Variants in TENM2 observed in about 807,000 individuals in gnomAD.
The protein encoded by TENM2 is teneurin transmembrane protein 2.
TENM2 carries 52 observed loss-of-function variants against 245.2 expected under a neutral mutation model. The observed-to-expected ratio is 0.21, with a 90% confidence interval of 0.17 to 0.27. The LOEUF (loss-of-function observed/expected upper bound fraction) is 0.27, where lower values mean the gene tolerates loss of function less well. Among genes scored for constraint, TENM2 ranks in the 10% least tolerant of loss-of-function variants. The probability of loss-of-function intolerance (pLI) is 1.00; values close to 1 mark genes in which losing one functional copy is unlikely to be tolerated. For missense variants in TENM2, 3,046 were observed against 3,666.8 expected, an observed-to-expected ratio of 0.83 and a Z score of 4.37; for synonymous variants, 1,363 against 1,438.9, an observed-to-expected ratio of 0.95 and a Z score of 1.19.
At chr5:167,370,716 T>C (rs1040489637) in intron 1 of TENM2, among the ~76,000 whole-genome samples, 8 of 152,238 alleles carry the variant, frequency 5.3e-5, no homozygotes, top group Non-Finnish European at 2.9e-5. Flanking sequence ...ATCAGTGATA[T>C]CAGGAGACTG....
chr5:168,263,997 G>A (rs992527702), downstream of TENM2: 1 of 152,428 alleles, frequency 6.6e-6, no homozygotes, highest in African/African-American at 2.4e-5. Flanking sequence ...AAGAACTTTG[G>A]TACAGGAACT....
the TENM2 span, among the ~76,000 whole-genome samples, chr5:167,060,253 C>T: frequency 6.6e-6 from 1 of 151,988 alleles, no homozygotes; most frequent in Non-Finnish European, 1.5e-5. Flanking sequence ...GTGTATCAAC[C>T]ATTGTTGCCC....
chr5:167,318,723 G>A (rs1300743596), intron 1 of TENM2, among the ~76,000 whole-genome samples: 1 of 152,128 alleles, frequency 6.6e-6, no homozygotes, highest in Admixed American at 6.6e-5. Context: ...CCAACACACA[G>A]CTTCAGTGGC....
chr5:167,723,965 G>C (rs916637016), intron 2 of TENM2, among the ~76,000 whole-genome samples: 2 of 152,214 alleles, frequency 1.3e-5, no homozygotes, highest in Non-Finnish European at 2.9e-5. Context: ...ACACACTGAG[G>C]TATAAATATA....
Position 167,495,495 on chromosome 5 carries a change from A to G in TENM2, c.502+120022A>G, listed in dbSNP as rs548450203. Among the ~76,000 whole-genome samples the G allele has an allele frequency of 7.9e-5, 12 of 152,194 alleles. No homozygotes were observed. The South Asian group carries it at 1.9e-3, about 24-fold the overall frequency. On this transcript the variant is annotated intron_variant, in intron 2 of 28. Coordinates refer to ENST00000518659, the Ensembl canonical transcript of TENM2. ...AATAATTACAGCAGGAGCAAGATAC[A>G]TGATCCAAGCTGGATTTTGCAAATT...
chr5:167,894,927 A>AAGGAAGGAAGGG, intron 3 of TENM2, among the ~76,000 whole-genome samples: 1 of 26,518 alleles, frequency 3.8e-5, no homozygotes, highest in East Asian at 6.9e-4. Context: ...GGAAAGAAGG[A>AAGGAAGGAAGGG]AGGAAGGAAG....
At chr5:167,831,329 T>C (rs1337670418) in intron 2 of TENM2, among the ~76,000 whole-genome samples, 1 of 152,080 alleles carries the variant, frequency 6.6e-6, no homozygotes, top group Non-Finnish European at 1.5e-5. Flanking sequence ...GGGTAGACAA[T>C]TAAATAAAGT....
At chr5:168,106,211 G>A (rs190813950) in intron 9 of TENM2, among the ~76,000 whole-genome samples, 1 of 152,082 alleles carries the variant, frequency 6.6e-6, no homozygotes, top group Non-Finnish European at 1.5e-5. Context: ...CTGGGGGTTG[G>A]TTTCAGCTCC....
intron 2 of TENM2, among the ~76,000 whole-genome samples, chr5:167,868,971 T>A (rs1308993063): frequency 2.0e-5 from 3 of 152,092 alleles, no homozygotes; most frequent in Non-Finnish European, 4.4e-5. Context: ...ACATCTCCAC[T>A]CTTCACAACA....
intron 2 of TENM2, among the ~76,000 whole-genome samples, chr5:167,602,458 A>G (rs186209615): frequency 1.3e-5 from 2 of 152,302 alleles, no homozygotes. Context: ...AGGACAGAGC[A>G]AAGAAAAAAT....
At chr5:167,934,783 G>A in intron 3 of TENM2, 1 of 878,892 alleles carries the variant, frequency 1.1e-6, no homozygotes, top group African/African-American at 1.8e-5. Flanking sequence ...AGCCCATTCA[G>A]GGCAGCCTTC....
chr5:167,907,006 G>A (rs1776136658), intron 3 of TENM2, among the ~76,000 whole-genome samples: 2 of 152,198 alleles, frequency 1.3e-5, no homozygotes, highest in South Asian at 4.1e-4. Context: ...GCTGAGGCAG[G>A]CGGATCACCT....
chr5:167,975,320 C>T (rs1782354180), intron 4 of TENM2, among the ~76,000 whole-genome samples: 1 of 152,178 alleles, frequency 6.6e-6, no homozygotes, highest in South Asian at 2.1e-4. Flanking sequence ...TCAAGGAAGC[C>T]CAGCTTTCAG....
At chr5:167,775,278 G>A (rs777769176) in intron 2 of TENM2, among the ~76,000 whole-genome samples, 23 of 152,108 alleles carry the variant, frequency 1.5e-4, no homozygotes, top group Non-Finnish European at 2.9e-4. Context: ...AGGGTGTGAG[G>A]TCTTACAAGA....
At chr5:167,341,081 A>G (rs1581785618) in intron 1 of TENM2, among the ~76,000 whole-genome samples, 1 of 152,086 alleles carries the variant, frequency 6.6e-6, no homozygotes, top group African/African-American at 2.4e-5. Context: ...CCAACCCTGA[A>G]GATGGTTTCA....
the TENM2 span, among the ~76,000 whole-genome samples, chr5:167,046,692 A>C: frequency 6.6e-6 from 1 of 151,554 alleles, no homozygotes; most frequent in Non-Finnish European, 1.5e-5. Flanking sequence ...TCTATTTTAA[A>C]ATTTATTTAT....
chr5:167,619,479 A>G (rs945239085), intron 2 of TENM2, among the ~76,000 whole-genome samples: 2 of 152,080 alleles, frequency 1.3e-5, no homozygotes, highest in East Asian at 3.9e-4. Flanking sequence ...CATTAAAGTC[A>G]TGGTCTCTGG....
At chr5:167,427,298 C>A (rs545027450) in intron 2 of TENM2, among the ~76,000 whole-genome samples, 6 of 152,096 alleles carry the variant, frequency 3.9e-5, no homozygotes, top group African/African-American at 1.2e-4. Flanking sequence ...ACTAATGATA[C>A]AAAAATTAGC....
At chr5:167,830,062 C>G (rs1344532790) in intron 2 of TENM2, among the ~76,000 whole-genome samples, 2 of 152,204 alleles carry the variant, frequency 1.3e-5, no homozygotes, top group Non-Finnish European at 2.9e-5. Flanking sequence ...GACTTCACAT[C>G]CTTAATCCAC....
Sources: gnomAD v4.1 joint callset for allele counts (sites outside exome capture counted in the v4.1 genomes callset) on GRCh38, gnomAD v4.1.1 for gene constraint, MANE v1.5 for transcripts, NCBI Gene and HGNC (gene_info 2026-07-23, HGNC 2026-07-21) for gene names.